The following DCDC2 variants were observed in gnomAD, a reference collection of about 807,000 sequenced individuals.
DCDC2 encodes doublecortin domain-containing protein 2.
In DCDC2, 40 loss-of-function variants were observed where a neutral mutation model predicts 50.2. The ratio of observed to expected loss-of-function variants is 0.80; its 90% CI spans 0.62 to 1.04. The LOEUF (loss-of-function observed/expected upper bound fraction) is 1.04, where lower values mean the gene tolerates loss of function less well. DCDC2 is among the 50% of genes least tolerant of loss of function. The pLI is 0.00. For synonymous variants in DCDC2, 234 were observed against 210.6 expected, an observed-to-expected ratio of 1.11 and a Z score of -0.96; for missense variants, 570 against 581.9, an observed-to-expected ratio of 0.98 and a Z score of 0.21.
At chr6:24,285,306 C>T (rs1163058075) in intron 6 of DCDC2, among the ~76,000 whole-genome samples, 3 of 152,204 alleles carry the variant, frequency 2.0e-5, no homozygotes, top group Non-Finnish European at 4.4e-5. Context: ...CTATGGGATG[C>T]AAATATACCT....
At chr6:24,208,515 C>T (rs1296326345) in intron 7 of DCDC2, among the ~76,000 whole-genome samples, 2 of 152,066 alleles carry the variant, frequency 1.3e-5, no homozygotes, top group Non-Finnish European at 1.5e-5. Context: ...GGATTACAGG[C>T]ATGTGCCACC....
At chr6:24,349,302 G>A (rs1460930073) in intron 2 of DCDC2, among the ~76,000 whole-genome samples, 1 of 152,180 alleles carries the variant, frequency 6.6e-6, no homozygotes, top group Non-Finnish European at 1.5e-5. Flanking sequence ...TGTCTTTTCA[G>A]CAAGACTATA....
intron 7 of DCDC2, among the ~76,000 whole-genome samples, chr6:24,236,459 A>G (rs1300240729): frequency 1.3e-5 from 2 of 152,252 alleles, no homozygotes; most frequent in African/African-American, 4.8e-5. Flanking sequence ...ACGACCTAGG[A>G]AACAGTATTC....
At chr6:24,318,602 TG>T (rs1306442923) in intron 2 of DCDC2, among the ~76,000 whole-genome samples, 1 of 152,068 alleles carries the variant, frequency 6.6e-6, no homozygotes, top group African/African-American at 2.4e-5. Context: ...CCACATTCTA[TG>T]TCCATTTGTA....
At chr6:24,228,486 C>T (rs1235830210) in intron 7 of DCDC2, among the ~76,000 whole-genome samples, 1 of 152,120 alleles carries the variant, frequency 6.6e-6, no homozygotes, top group Non-Finnish European at 1.5e-5. Context: ...CAAGTAATGG[C>T]CTTCTTTTGC....
intron 7 of DCDC2, among the ~76,000 whole-genome samples, chr6:24,257,945 G>T (rs1251647569): frequency 6.6e-6 from 1 of 152,110 alleles, no homozygotes; most frequent in Non-Finnish European, 1.5e-5. Flanking sequence ...GATTGAGTGT[G>T]AAGAATGAGG....
intron 6 of DCDC2, among the ~76,000 whole-genome samples, chr6:24,281,726 A>ATT (rs1763476846): frequency 6.6e-6 from 1 of 152,134 alleles, no homozygotes; most frequent in Admixed American, 6.6e-5. Context: ...TGTAACTCAA[A>ATT]TACATAGATA....
At chr6:24,338,711 C>G (rs1445417614) in intron 2 of DCDC2, among the ~76,000 whole-genome samples, 1 of 152,142 alleles carries the variant, frequency 6.6e-6, no homozygotes, top group African/African-American at 2.4e-5. Flanking sequence ...ATGGTGTGAT[C>G]CCAGCTCACT....
chr6:24,248,216 C>G (rs73394044), intron 7 of DCDC2, among the ~76,000 whole-genome samples: 1 of 152,270 alleles, frequency 6.6e-6, no homozygotes, highest in Non-Finnish European at 1.5e-5. Context: ...CTGTGAAGTT[C>G]TTAGTAGACA....
the DCDC2 span, among the ~76,000 whole-genome samples, chr6:24,377,860 G>A: frequency 6.6e-6 from 1 of 152,054 alleles, no homozygotes; most frequent in African/African-American, 2.4e-5. Flanking sequence ...ATGGTGGCAG[G>A]TGCCTGTAAT....
intron 7 of DCDC2, among the ~76,000 whole-genome samples, chr6:24,221,551 T>C (rs1386121774): frequency 6.6e-6 from 1 of 152,168 alleles, no homozygotes; most frequent in East Asian, 1.9e-4. Flanking sequence ...GACGACACTG[T>C]TTCATATCCA....
chr6:24,259,054 C>T (rs1313343698), intron 7 of DCDC2, among the ~76,000 whole-genome samples: 1 of 152,012 alleles, frequency 6.6e-6, no homozygotes, highest in Admixed American at 6.6e-5. Flanking sequence ...TTATGAACTC[C>T]TCTCCTCTTC....
intron 7 of DCDC2, among the ~76,000 whole-genome samples, chr6:24,262,848 C>T (rs1001715916): frequency 6.6e-6 from 1 of 152,248 alleles, no homozygotes; most frequent in African/African-American, 2.4e-5. Context: ...CAACTGCTGA[C>T]TGAACAGCCC....
At chr6:24,203,567 T>C (rs1439151727) in intron 8 of DCDC2, among the ~76,000 whole-genome samples, 1 of 152,140 alleles carries the variant, frequency 6.6e-6, no homozygotes, top group Non-Finnish European at 1.5e-5. Flanking sequence ...ATTCAGGACA[T>C]AGGCATGGGA....
At chr6:24,237,533 T>C (rs1762472041) in intron 7 of DCDC2, among the ~76,000 whole-genome samples, 1 of 152,142 alleles carries the variant, frequency 6.6e-6, no homozygotes. Flanking sequence ...GGACTAAAAA[T>C]AGAACTATAA....
At position 24,309,978 on chromosome 6, in the gene DCDC2, A is replaced by C. The variant is rs531040478; in HGVS notation, c.349-7934T>G. Among the ~76,000 whole-genome samples the C allele has an allele frequency of 8.3e-4, 127 of 152,284 alleles. 1 individual carries two copies. The highest frequency in any genetic ancestry group is 3.4e-3 in the Middle Eastern group (1 of 294). ...GACCCTGTCTATTAAAAAAATAATA[A>C]TTAAAAAAAAGACAAAAACAAGATA... On this transcript the variant is annotated intron_variant, in intron 2 of 9. Transcript: ENST00000378454.
At chr6:24,316,446 G>A (rs1212111186) in intron 2 of DCDC2, among the ~76,000 whole-genome samples, 2 of 152,104 alleles carry the variant, frequency 1.3e-5, no homozygotes, top group East Asian at 1.9e-4. Flanking sequence ...AGAAGGATCA[G>A]CTGTATGGAT....
At chr6:24,342,413 T>C (rs963579807) in intron 2 of DCDC2, among the ~76,000 whole-genome samples, 17 of 152,206 alleles carry the variant, frequency 1.1e-4, no homozygotes, top group Non-Finnish European at 2.5e-4. Context: ...GAGGTGTCAA[T>C]ACGGACTGCT....
At chr6:24,353,664 G>T in intron 1 of DCDC2, 41 bp from the exon 2 acceptor site, 3 of 1,254,618 alleles carry the variant, frequency 2.4e-6, no homozygotes, top group South Asian at 1.4e-5. Context: ...TGCTTTTATA[G>T]ACTTTAAGTC....
Sources: allele counts gnomAD v4.1 joint callset (sites outside exome capture counted in the v4.1 genomes callset), GRCh38; gene constraint gnomAD v4.1.1; transcripts MANE v1.5; gene names NCBI Gene and HGNC (gene_info 2026-07-23, HGNC 2026-07-21).